Variants in FAM78B observed in about 807,000 individuals in gnomAD.
FAM78B encodes the protein family with sequence similarity 78 member B.
FAM78B carries 10 observed loss-of-function variants against 20.0 expected under a neutral mutation model. The observed-to-expected ratio is 0.50, with a 90% CI of 0.31 to 0.85. The LOEUF is 0.85. Among genes scored for constraint, FAM78B ranks in the 40% least tolerant of loss-of-function variants. The pLI is 0.05. For synonymous variants in FAM78B, 135 were observed against 132.8 expected, an observed-to-expected ratio of 1.02 and a Z score of -0.12; for missense variants, 283 against 345.0, an observed-to-expected ratio of 0.82 and a Z score of 1.42.
intron 1 of FAM78B, among the ~76,000 whole-genome samples, chr1:166,160,771 T>C (rs1329920587): frequency 6.6e-6 from 1 of 152,248 alleles, no homozygotes; most frequent in Non-Finnish European, 1.5e-5. Context: ...CATGCACTGT[T>C]CATAAACAAG....
At chr1:166,118,341 T>C (rs12756802) in intron 1 of FAM78B, among the ~76,000 whole-genome samples, 112,393 of 152,052 alleles carry the variant, frequency 0.74, 42,120 homozygotes, top group Non-Finnish European at 0.82. Flanking sequence ...GGTCTGAAAT[T>C]CCATGAGATT....
intron 1 of FAM78B, among the ~76,000 whole-genome samples, chr1:166,087,915 A>G (rs1193464226): frequency 1.3e-5 from 2 of 152,122 alleles, no homozygotes; most frequent in African/African-American, 2.4e-5. Context: ...TGCAAGGAGG[A>G]ATGGGAGGAG....
chr1:166,138,910 C>T (rs1224589627), intron 1 of FAM78B, among the ~76,000 whole-genome samples: 1 of 152,192 alleles, frequency 6.6e-6, no homozygotes, highest in Non-Finnish European at 1.5e-5. Context: ...ACCTGTGGGG[C>T]CTTTCAAGAT....
At chr1:166,064,699 G>A (rs577031135), downstream of FAM78B, among the ~76,000 whole-genome samples, 1 of 152,208 alleles carries the variant, frequency 6.6e-6, no homozygotes, top group Non-Finnish European at 1.5e-5. Context: ...CTTCCAAGTA[G>A]ATGAGGCCAG....
chr1:166,156,770 A>T (rs1289402249), intron 1 of FAM78B, among the ~76,000 whole-genome samples: 1 of 152,132 alleles, frequency 6.6e-6, no homozygotes, highest in Non-Finnish European at 1.5e-5. Context: ...GAGCATGAAC[A>T]GCATGGCTCA....
rs1651962616 is a variant in FAM78B at position 166,070,173 on chromosome 1, C to T, written c.*68G>A. The T allele has an allele frequency of 2.8e-6, 4 of 1,436,486 alleles. No homozygotes were observed. Among genetic ancestry groups the T allele is most frequent in the Non-Finnish European group, 9.2e-7 (1 of 1,089,690 alleles). 89.0% of individuals were successfully genotyped at this position (1,436,486 alleles called of 1,614,324 possible). ...GCTCAGAAACTCTGTTTGGCTCCTG[C>T]CACCCCTGGCACCCTCACTGCATGT... On this transcript the variant is annotated 3_prime_UTR_variant, in exon 2 of 2. Coordinates refer to ENST00000354422, the MANE Select transcript of FAM78B (RefSeq NM_001017961.5).
chr1:166,064,082 C>A (rs539561503), intron 2 of FAM78B, among the ~76,000 whole-genome samples: 6 of 152,226 alleles, frequency 3.9e-5, no homozygotes, highest in African/African-American at 1.4e-4. Context: ...GGGAAGCAGC[C>A]CTGAGGTGAA....
At chr1:166,102,168 T>C (rs917480755) in intron 1 of FAM78B, among the ~76,000 whole-genome samples, 3 of 152,294 alleles carry the variant, frequency 2.0e-5, no homozygotes, top group East Asian at 1.9e-4. Context: ...CTGAGAGATT[T>C]TGTCACCACC....
At chr1:166,121,004 A>G (rs949774112) in intron 1 of FAM78B, among the ~76,000 whole-genome samples, 2 of 152,136 alleles carry the variant, frequency 1.3e-5, no homozygotes, top group Admixed American at 6.5e-5. Flanking sequence ...ACTCAGAGTG[A>G]CCTTTCTTGA....
At chr1:166,101,907 T>G (rs1057342790) in intron 1 of FAM78B, among the ~76,000 whole-genome samples, 1 of 151,838 alleles carries the variant, frequency 6.6e-6, no homozygotes, top group African/African-American at 2.4e-5. Flanking sequence ...CACATAATTG[T>G]CAGATTCACC....
chr1:166,068,488 T>C (rs1651886032), downstream of FAM78B, among the ~76,000 whole-genome samples: 1 of 152,200 alleles, frequency 6.6e-6, no homozygotes, highest in Non-Finnish European at 1.5e-5. Context: ...ACTACATAAT[T>C]TGGAGCAGAT....
intron 2 of FAM78B, among the ~76,000 whole-genome samples, chr1:166,063,738 T>C (rs764962758): frequency 3.9e-5 from 6 of 152,204 alleles, no homozygotes; most frequent in African/African-American, 1.4e-4. Context: ...GTATTCCTCA[T>C]AGTCCCCAGT....
At chr1:166,082,965 G>A (rs1652640697) in intron 1 of FAM78B, among the ~76,000 whole-genome samples, 1 of 152,180 alleles carries the variant, frequency 6.6e-6, no homozygotes, top group African/African-American at 2.4e-5. Context: ...TGTAGGGGCT[G>A]GGTGGTGGCA....
chr1:166,120,486 T>C (rs10800192), intron 1 of FAM78B, among the ~76,000 whole-genome samples: 29,110 of 152,128 alleles, frequency 0.19, 3,186 homozygotes, highest in East Asian at 0.37. Flanking sequence ...GTGTGCTGTA[T>C]ATCATGTTGA....
intron 1 of FAM78B, among the ~76,000 whole-genome samples, chr1:166,113,974 T>C (rs1450265967): frequency 6.6e-6 from 1 of 152,166 alleles, no homozygotes; most frequent in African/African-American, 2.4e-5. Flanking sequence ...TCAGAACCCT[T>C]AGCACTGCCC....
At chr1:166,126,639 G>C (rs1459055280) in intron 1 of FAM78B, among the ~76,000 whole-genome samples, 1 of 152,122 alleles carries the variant, frequency 6.6e-6, no homozygotes, top group Non-Finnish European at 1.5e-5. Context: ...AGGCTGGGAA[G>C]GAGTGATGAT....
intron 1 of FAM78B, among the ~76,000 whole-genome samples, chr1:166,145,577 T>A (rs1655424525): frequency 6.6e-6 from 1 of 152,182 alleles, no homozygotes; most frequent in Non-Finnish European, 1.5e-5. Context: ...TTTCCAAAAT[T>A]CTCTTCCAGC....
At chr1:166,134,435 T>C (rs4657521) in intron 1 of FAM78B, among the ~76,000 whole-genome samples, 139,288 of 151,986 alleles carry the variant, frequency 0.92, 64,466 homozygotes, top group Non-Finnish European at 0.99. Context: ...ATGGTTGGGC[T>C]GAGTACCCCC....
At chr1:166,100,354 T>G (rs1653459921) in intron 1 of FAM78B, among the ~76,000 whole-genome samples, 1 of 152,180 alleles carries the variant, frequency 6.6e-6, no homozygotes, top group Non-Finnish European at 1.5e-5. Context: ...TGCAGGACAG[T>G]AGGTGCAGTG....
Sources: gnomAD v4.1 joint callset for allele counts (sites outside exome capture counted in the v4.1 genomes callset) on GRCh38, gnomAD v4.1.1 for gene constraint, MANE v1.5 for transcripts, NCBI Gene and HGNC (gene_info 2026-07-23, HGNC 2026-07-21) for gene names.